The following ATP11B variants were observed in gnomAD, a reference collection of about 807,000 sequenced individuals.
ATP11B encodes the protein phospholipid-transporting ATPase IF.
In ATP11B, 81 loss-of-function variants were observed where a neutral mutation model predicts 157.8. That is an observed-to-expected ratio of 0.51 (90% CI 0.43 to 0.62). ATP11B has a LOEUF of 0.62. ATP11B is among the 20% of genes least tolerant of loss of function. The pLI, the probability that ATP11B is intolerant of heterozygous loss-of-function variation, is 0.00. For synonymous variants in ATP11B, 451 were observed against 469.4 expected (o/e 0.96, Z 0.51); for missense variants, 1,165 against 1,402.2 (o/e 0.83, Z 2.70).
chr3:182,820,548 G>A lies in ATP11B; in HGVS notation c.144+172G>A, dbSNP rs146452942. Among the ~76,000 whole-genome samples, 13 of 152,234 alleles carry A rather than the reference G, an allele frequency of 8.5e-5. No individual in the cohort carries two copies. In the East Asian group the frequency reaches 2.3e-3, roughly 27 times the overall value. ...AAAATCAAAAAATTAGCCAGGTGTGGTGGCACACCTCTACTGACAGCTACT... is the reference window on the plus strand; with the variant it reads ...AAAATCAAAAAATTAGCCAGGTGTGATGGCACACCTCTACTGACAGCTACT... On this transcript the variant is annotated intron_variant, in intron 2 of 29. Coordinates refer to ENST00000323116, the MANE Select transcript of ATP11B (RefSeq NM_014616.3).
intron 28 of ATP11B, among the ~76,000 whole-genome samples, chr3:182,907,624 T>C (rs1481511078): frequency 1.3e-5 from 2 of 152,208 alleles, no homozygotes; most frequent in Non-Finnish European, 2.9e-5. Flanking sequence ...TAGAAAGATG[T>C]TTAGGCTTTT....
intron 28 of ATP11B, among the ~76,000 whole-genome samples, chr3:182,901,577 A>G (rs1723971538): frequency 6.6e-6 from 1 of 152,172 alleles, no homozygotes; most frequent in African/African-American, 2.4e-5. Flanking sequence ...CAGATTGGAG[A>G]TACTCAACCT....
At chr3:182,876,468 G>T (rs1014550574) in intron 19 of ATP11B, among the ~76,000 whole-genome samples, 5 of 152,112 alleles carry the variant, frequency 3.3e-5, no homozygotes, top group Admixed American at 6.6e-5. Context: ...TGAATTTTAG[G>T]CTTGCCGTCT....
chr3:182,902,450 G>A, intron 28 of ATP11B: 1 of 1,253,136 alleles, frequency 8.0e-7, no homozygotes, highest in Non-Finnish European at 1.0e-6. Context: ...CTGACTTGTT[G>A]TGTGTCCATC....
At chr3:182,850,526 T>C (rs1719893028) in intron 10 of ATP11B, among the ~76,000 whole-genome samples, 1 of 152,048 alleles carries the variant, frequency 6.6e-6, no homozygotes, top group African/African-American at 2.4e-5. Flanking sequence ...TGAGATGTCA[T>C]CTTGCCAGCC....
intron 21 of ATP11B, among the ~76,000 whole-genome samples, chr3:182,881,966 T>C (rs1030370932): frequency 3.9e-5 from 6 of 152,248 alleles, no homozygotes; most frequent in Admixed American, 3.9e-4. Flanking sequence ...CTAAAACTTT[T>C]ATTAGATTCA....
At chr3:182,861,065 C>CTTTTTTT (rs35183352) in intron 12 of ATP11B, among the ~76,000 whole-genome samples, 1 of 137,422 alleles carries the variant, frequency 7.3e-6, no homozygotes, top group Non-Finnish European at 1.5e-5. Context: ...AACAATAATA[C>CTTTTTTT]TTTTTTTTTT....
At chr3:182,806,252 A>G (rs1364074537) in intron 1 of ATP11B, among the ~76,000 whole-genome samples, 4 of 152,086 alleles carry the variant, frequency 2.6e-5, no homozygotes, top group Non-Finnish European at 5.9e-5. Flanking sequence ...AATTGTCATT[A>G]CTTTGTTGGT....
intron 1 of ATP11B, among the ~76,000 whole-genome samples, chr3:182,798,124 GA>G (rs1715747122): frequency 6.6e-6 from 1 of 152,192 alleles, no homozygotes. Context: ...GTGACAGAGT[GA>G]GACCGTCTGA....
In ATP11B at chr3:182,913,861, C is replaced by T. The variant is rs1302078506; in HGVS notation, c.3319C>T (p.Leu1107Phe). 6.2e-7 allele frequency: 1 copy of T among 1,614,088 alleles called. No homozygotes were observed. Among genetic ancestry groups the T allele is most frequent in the Non-Finnish European group, 8.5e-7 (1 of 1,179,944 alleles). The change falls in exon 29 of 30, where the codon CTT becomes TTT. Residue 1107 changes from leucine (L) to phenylalanine (F), a missense_variant and splice_region_variant. Leu to Phe is a conservative substitution (Grantham distance 22). Around this residue, in one of 4 missense-constraint regions of ATP11B, gnomAD observed 303 missense variants for 296.3 expected, o/e 1.02. Coordinates refer to ENST00000323116, the MANE Select transcript of ATP11B (RefSeq NM_014616.3). ...LHPTSTEKAQ[L>F]TETNAGIKCL... Reference sequence around the variant, plus strand: ...ATGTTTTCTGCTTCACCTCCCGCAGCTTACTGAAACAAATGCAGGTATCAA... The same window carrying T: ...ATGTTTTCTGCTTCACCTCCCGCAGTTTACTGAAACAAATGCAGGTATCAA...
In ATP11B at chr3:182,857,857, ATTCTC is replaced by A. The variant is rs1236530241; in HGVS notation, c.852-18_852-14del. ...GTAATACATGAGTTGTATGTTTTAT[ATTCTC>A]TTTTTCTTCCTTAAGGTCAATGAAT... is the stretch of plus-strand genomic sequence containing the variant. On this transcript the variant is annotated splice_polypyrimidine_tract_variant and intron_variant, in intron 10 of 29. Coordinates refer to ENST00000323116, the MANE Select transcript of ATP11B (RefSeq NM_014616.3). The A allele has an allele frequency of 2.1e-6, 3 of 1,413,574 alleles. No homozygotes were observed. Among genetic ancestry groups the A allele is most frequent in the African/African-American group, 1.4e-5 (1 of 70,668 alleles). The allele number at this position is 1,413,574 out of a possible 1,614,324, so 87.6% of individuals were successfully genotyped here. A position where few individuals can be genotyped will look rare whatever the true frequency, so the allele number is the denominator to read the frequency against.
intron 10 of ATP11B, among the ~76,000 whole-genome samples, chr3:182,854,778 CA>C (rs1299509510): frequency 1.3e-5 from 2 of 150,814 alleles, no homozygotes; most frequent in East Asian, 1.9e-4. Context: ...CACACACACA[CA>C]CACACACACA....
chr3:182,857,949 A>C lies in ATP11B; in HGVS notation c.923A>C (p.Lys308Thr). The change falls in exon 11 of 30, where the codon AAG (lysine) becomes ACG (threonine). Residue 308 changes from lysine (K) to threonine (T), a missense_variant. This residue lies in a region of ATP11B where 737 missense variants were observed against 930.5 expected (regional missense o/e 0.79). Transcript: ENST00000323116. ...ISEAVISTILKYTWQAEEKWD... is the reference protein window; with the variant it reads ...ISEAVISTILTYTWQAEEKWD... ...GAAGCTGTCATCAGCACTATCTTGAAGTATACATGGCAAGCTGAAGAAAAA... is the reference window on the plus strand; with the variant it reads ...GAAGCTGTCATCAGCACTATCTTGACGTATACATGGCAAGCTGAAGAAAAA... The C allele has an allele frequency of 6.2e-7, 1 of 1,606,834 alleles. No individual in the cohort carries two copies. Among genetic ancestry groups the C allele is most frequent in the Non-Finnish European group, 8.5e-7 (1 of 1,173,594 alleles).
chr3:182,916,790 CTAATA>C, intron 29 of ATP11B: 1 of 985,158 alleles, frequency 1.0e-6, no homozygotes, highest in Non-Finnish European at 1.2e-6. Flanking sequence ...AGAAGAAAAA[CTAATA>C]TAAAGTATTG....
intron 15 of ATP11B, among the ~76,000 whole-genome samples, chr3:182,868,642 G>A (rs1577050976): frequency 6.6e-6 from 1 of 152,084 alleles, no homozygotes; most frequent in East Asian, 1.9e-4. Context: ...TTTGTCAGGT[G>A]TATTAGGACA....
rs148838388 is a variant in ATP11B, at chr3:182,866,352, G to A, written c.1528G>A (p.Asp510Asn). ...CAATGTTCAAACTGACTGCACTGGTGATGGTCCCTGGCAATCCAACCTGGC... is the reference window on the plus strand; with the variant it reads ...CAATGTTCAAACTGACTGCACTGGTAATGGTCCCTGGCAATCCAACCTGGC... ...ISNVQTDCTG[D>N]GPWQSNLAPS... Residue 510 changes from aspartate (D) to asparagine (N), a missense_variant, in exon 14 of 30, where the codon GAT (aspartate) becomes AAT (asparagine). By Grantham distance (23) the Asp-to-Asn change is conservative (BLOSUM62 1). This residue lies in a region of ATP11B where 737 missense variants were observed against 930.5 expected (regional missense o/e 0.79). Coordinates refer to ENST00000323116, the MANE Select transcript of ATP11B (RefSeq NM_014616.3). 8.7e-6 allele frequency: 14 copies of A among 1,613,848 alleles called. No individual in the cohort carries two copies. In the African/African-American group the frequency reaches 1.7e-4, roughly 20 times the overall value.
chr3:182,896,877 C>T (rs1415715255), intron 26 of ATP11B, 112 bp downstream of exon 26: 9 of 729,728 alleles, frequency 1.2e-5, no homozygotes, highest in East Asian at 5.2e-5. Context: ...TTTTCAATAA[C>T]GATTAATTTC....
At chr3:182,814,555 C>T (rs1576960450) in intron 1 of ATP11B, among the ~76,000 whole-genome samples, 2 of 152,070 alleles carry the variant, frequency 1.3e-5, no homozygotes, top group South Asian at 4.1e-4. Flanking sequence ...CAGCTGTAAT[C>T]CCAGCACTTT....
chr3:182,849,606 A>G (rs367582456), intron 10 of ATP11B, among the ~76,000 whole-genome samples: 2 of 152,226 alleles, frequency 1.3e-5, no homozygotes, highest in African/African-American at 4.8e-5. Flanking sequence ...CTTGAAAAAC[A>G]TAATTACTAA....
Sources: gnomAD v4.1 joint callset for allele counts (sites outside exome capture counted in the v4.1 genomes callset) on GRCh38, gnomAD v4.1.1 for gene constraint, gnomAD v4.1.1 regional missense constraint, MANE v1.5 for transcripts, NCBI Gene and HGNC (gene_info 2026-07-23, HGNC 2026-07-21) for gene names.